The following GAB1 variants were observed in gnomAD, a reference collection of about 807,000 sequenced individuals.
GAB1 encodes GRB2 associated binding protein 1.
A neutral mutation model predicts 66.5 loss-of-function variants in GAB1; 19 were observed. That is an observed-to-expected ratio of 0.29 (90% CI 0.20 to 0.42). The LOEUF (loss-of-function observed/expected upper bound fraction) is 0.42, where lower values mean the gene tolerates loss of function less well. GAB1 is among the 10% of genes least tolerant of loss of function. The pLI, the probability that GAB1 is intolerant of heterozygous loss-of-function variation, is 1.00. For missense variants in GAB1, 732 were observed against 858.5 expected, an observed-to-expected ratio of 0.85 and a Z score of 1.84; for synonymous variants, 294 against 301.4, an observed-to-expected ratio of 0.98 and a Z score of 0.25.
intron 1 of GAB1, among the ~76,000 whole-genome samples, chr4:143,399,987 G>A (rs1731679779): frequency 1.3e-5 from 2 of 148,272 alleles, no homozygotes; most frequent in South Asian, 4.3e-4. Context: ...CACCCAGGCT[G>A]GAGTGCAGTG....
chr4:143,460,472 G>T lies in GAB1; in HGVS notation c.1788G>T (p.Leu596=). The part of the protein sequence containing the change: ...EENYVPMNPN[L]SSEDPNLFGS... ...ATTATGTTCCCATGAACCCAAACCT[G>T]TCCAGTGAAGACCCAGTATGTAAAG... is the stretch of plus-strand genomic sequence containing the variant. Residue 596 remains leucine (L), a synonymous_variant, in exon 8 of 10, where the codon CTG becomes CTT. Coordinates refer to ENST00000262994, the MANE Select transcript of GAB1 (RefSeq NM_002039.4). 3 of 1,613,656 alleles carry T rather than the reference G, an allele frequency of 1.9e-6. No homozygotes were observed. The highest frequency in any genetic ancestry group is 2.5e-6 in the Non-Finnish European group (3 of 1,179,758).
At chr4:143,356,978 T>A (rs1047036915) in intron 1 of GAB1, among the ~76,000 whole-genome samples, 1 of 152,220 alleles carries the variant, frequency 6.6e-6, no homozygotes, top group African/African-American at 2.4e-5. Context: ...TTCTACCACC[T>A]TTTTATATAT....
intron 3 of GAB1, among the ~76,000 whole-genome samples, chr4:143,436,020 CAT>C (rs1733922788): frequency 6.6e-6 from 1 of 152,182 alleles, no homozygotes; most frequent in African/African-American, 2.4e-5. Context: ...ACTTATTACT[CAT>C]AATTCCTCTA....
At chr4:143,413,827 T>C (rs1332161135) in intron 1 of GAB1, among the ~76,000 whole-genome samples, 7 of 130,150 alleles carry the variant, frequency 5.4e-5, no homozygotes, top group African/African-American at 1.3e-4. Context: ...CGCTGCCCTT[T>C]TTTTTTTTTT....
chr4:143,425,068 A>G (rs1733260421), intron 2 of GAB1: 1 of 903,116 alleles, frequency 1.1e-6, no homozygotes, highest in African/African-American at 1.6e-5. Flanking sequence ...AGAGCCCTTG[A>G]TGTCCTGCAA....
At chr4:143,351,184 A>G (rs1729200124) in intron 1 of GAB1, among the ~76,000 whole-genome samples, 1 of 152,174 alleles carries the variant, frequency 6.6e-6, no homozygotes, top group Non-Finnish European at 1.5e-5. Context: ...ACAAGGACAG[A>G]GTGATTTCTG....
At position 143,433,533 on chromosome 4, in the gene GAB1, A is replaced by C; in HGVS notation, c.410A>C (p.Asp137Ala). The change falls in exon 3 of 10, where the codon GAT (aspartate) becomes GCT (alanine). Residue 137 changes from aspartate to alanine, a missense_variant. Physicochemically the swap from Asp to Ala is moderately radical, Grantham distance 126. Transcript: ENST00000262994. ...PPGSSLQAPADLPLAINTAPP... is the reference protein window; with the variant it reads ...PPGSSLQAPAALPLAINTAPP... The stretch of plus-strand genomic sequence containing the variant: ...GGCAGCTCTTTACAAGCACCAGCTG[A>C]TTTACCTTTAGCTATAAATACAGCA... The C allele has an allele frequency of 6.2e-7, 1 of 1,613,976 alleles. No individual in the cohort carries two copies. The highest frequency in any genetic ancestry group is 8.5e-7 in the Non-Finnish European group (1 of 1,179,914).
intron 1 of GAB1, among the ~76,000 whole-genome samples, chr4:143,357,344 C>A (rs528724412): frequency 6.6e-6 from 1 of 152,278 alleles, no homozygotes; most frequent in South Asian, 2.1e-4. Context: ...GACTTTGACA[C>A]CTGTCTGGCT....
At chr4:143,414,032 A>G (rs1732546516) in intron 1 of GAB1, among the ~76,000 whole-genome samples, 1 of 151,878 alleles carries the variant, frequency 6.6e-6, no homozygotes, top group Non-Finnish European at 1.5e-5. Context: ...CATGTTGGCC[A>G]GGCTGGTCTC....
At chr4:143,403,954 A>G (rs1178606293) in intron 1 of GAB1, among the ~76,000 whole-genome samples, 1 of 152,236 alleles carries the variant, frequency 6.6e-6, no homozygotes, top group Non-Finnish European at 1.5e-5. Context: ...TTACATATAA[A>G]TCTAATTATG....
At chr4:143,411,106 G>A (rs778295270) in intron 1 of GAB1, among the ~76,000 whole-genome samples, 1 of 152,174 alleles carries the variant, frequency 6.6e-6, no homozygotes, top group Admixed American at 6.5e-5. Flanking sequence ...TGGTTGGAAG[G>A]CAGAGGGGCA....
At chr4:143,391,250 A>G (rs1354505204) in intron 1 of GAB1, among the ~76,000 whole-genome samples, 1 of 152,246 alleles carries the variant, frequency 6.6e-6, no homozygotes, top group Non-Finnish European at 1.5e-5. Flanking sequence ...GTAACACAGA[A>G]TTTGTGCTAC....
intron 8 of GAB1, among the ~76,000 whole-genome samples, chr4:143,462,780 G>C (rs1409066095): frequency 6.6e-6 from 1 of 151,954 alleles, no homozygotes; most frequent in East Asian, 1.9e-4. Context: ...TCCTGACTCA[G>C]CCTCTCGAGT....
At chr4:143,345,011 C>T (rs1728943943) in intron 1 of GAB1, among the ~76,000 whole-genome samples, 1 of 152,186 alleles carries the variant, frequency 6.6e-6, no homozygotes, top group Non-Finnish European at 1.5e-5. Flanking sequence ...AGCTGCCAAG[C>T]CCTGTCCTGC....
chr4:143,362,513 G>C (rs534960650), intron 1 of GAB1, among the ~76,000 whole-genome samples: 1 of 152,296 alleles, frequency 6.6e-6, no homozygotes, highest in South Asian at 2.1e-4. Flanking sequence ...TTATTCATGA[G>C]TTTTCCAGGA....
At chr4:143,394,371 A>T (rs1731335745) in intron 1 of GAB1, among the ~76,000 whole-genome samples, 1 of 152,210 alleles carries the variant, frequency 6.6e-6, no homozygotes, top group African/African-American at 2.4e-5. Context: ...CAGTGTTGAC[A>T]TCCCTCCTTC....
chr4:143,433,613 C>G lies in GAB1; in HGVS notation c.490C>G (p.Leu164Val). 2 of 1,613,902 alleles carry G rather than the reference C, an allele frequency of 1.2e-6. No homozygotes were observed. The highest frequency in any genetic ancestry group is 1.7e-6 in the Non-Finnish European group (2 of 1,179,830). Reference sequence around the variant, plus strand: ...TGCTACTCTACCTCCTCCATATCAGCTAATCAATGTTCCACCACACCTGGA... The same window carrying G: ...TGCTACTCTACCTCCTCCATATCAGGTAATCAATGTTCCACCACACCTGGA... ...SSATLPPPYQ[L>V]INVPPHLETL... The change falls in exon 3 of 10, where the codon CTA (leucine) becomes GTA (valine). Residue 164 changes from leucine to valine, a missense_variant. Around this residue, in one of 4 missense-constraint regions of GAB1, gnomAD observed 427 missense variants for 420.6 expected, o/e 1.02. Transcript: ENST00000262994.
intron 2 of GAB1, among the ~76,000 whole-genome samples, chr4:143,420,802 C>T (rs1001933271): frequency 1.3e-5 from 2 of 151,990 alleles, no homozygotes; most frequent in Non-Finnish European, 2.9e-5. Context: ...GATATTCTCC[C>T]CTTGAGTCAA....
intron 8 of GAB1, among the ~76,000 whole-genome samples, chr4:143,463,389 G>A (rs1280354751): frequency 2.6e-5 from 4 of 151,998 alleles, no homozygotes; most frequent in East Asian, 3.9e-4. Flanking sequence ...TAAGGAGGCC[G>A]AGGCAGGCAG....
Sources: allele counts gnomAD v4.1 joint callset (sites outside exome capture counted in the v4.1 genomes callset), GRCh38; gene constraint gnomAD v4.1.1; regional missense constraint gnomAD v4.1.1; transcripts MANE v1.5; gene names NCBI Gene and HGNC (gene_info 2026-07-23, HGNC 2026-07-21).